Variants in CARD19 observed in about 807,000 individuals in gnomAD.
The protein encoded by CARD19 is caspase recruitment domain family member 19, also known as caspase recruitment domain-containing protein 19.
In CARD19, 25 loss-of-function variants were observed where a neutral mutation model predicts 24.1. The ratio of observed to expected loss-of-function variants is 1.04; its 90% CI spans 0.76 to 1.45. The LOEUF is 1.45. Among genes scored for constraint, CARD19 ranks in the 40% most tolerant of loss-of-function variants. CARD19 has a pLI of 0.00. For synonymous variants in CARD19, 103 were observed against 104.9 expected (o/e 0.98, Z 0.11); for missense variants, 241 against 247.4 (o/e 0.97, Z 0.17).
intron 2 of CARD19, chr9:93,108,908 G>A (rs1411840021): frequency 6.6e-6 from 1 of 152,272 alleles, no homozygotes; most frequent in Non-Finnish European, 1.5e-5. Context: ...GGGGACATTG[G>A]ATGAGAGAGT....
intron 1 of CARD19, among the ~76,000 whole-genome samples, chr9:93,100,318 T>C (rs369429058): frequency 6.6e-6 from 1 of 152,238 alleles, no homozygotes; most frequent in Admixed American, 6.5e-5. Flanking sequence ...TTTTTGTTTT[T>C]GGTTTTTTCT....
In CARD19 at chr9:93,110,672, T is replaced by C; in HGVS notation, c.255T>C (p.Tyr85=). Residue 85 remains tyrosine, a synonymous_variant, in exon 3 of 6, where the codon TAT becomes TAC. Transcript: ENST00000375464. ...GCCAGGAGTTCTACCGAGCCCTGTA[T>C]ATCCATGCCCAGCCCCTGCACAGCC... is the stretch of plus-strand genomic sequence containing the variant. ...RDCQEFYRAL[Y]IHAQPLHSRL... is the part of the protein sequence containing the mutation. The C allele has an allele frequency of 6.2e-7, 1 of 1,613,460 alleles. No individual in the cohort carries two copies. Among genetic ancestry groups the C allele is most frequent in the Non-Finnish European group, 8.5e-7 (1 of 1,180,014 alleles).
chr9:93,100,521 A>G (rs1411319548), intron 1 of CARD19, among the ~76,000 whole-genome samples: 41 of 152,262 alleles, frequency 2.7e-4, no homozygotes, highest in Non-Finnish European at 1.5e-5. Context: ...TGGATAAACC[A>G]GAGTTTATTT....
intron 1 of CARD19, among the ~76,000 whole-genome samples, chr9:93,100,933 A>G (rs904357932): frequency 6.6e-6 from 1 of 152,230 alleles, no homozygotes; most frequent in African/African-American, 2.4e-5. Context: ...GTAATATTCC[A>G]TTGTACATAG....
Position 93,096,788 on chromosome 9 carries a change from A to G in CARD19, c.7+436A>G, listed in dbSNP as rs946902619. On this transcript the variant is annotated intron_variant, in intron 1 of 5. Transcript: ENST00000375464. This position sits in a 1 kb window ranked among gnomAD's most constrained non-coding sequence, Gnocchi z 5.4. ...TCCTGCTGTGATTCTGGCCACGGAAACAACGCTCCATCCTTACAACCACCC... is the reference window on the plus strand; with the variant it reads ...TCCTGCTGTGATTCTGGCCACGGAAGCAACGCTCCATCCTTACAACCACCC... Among the ~76,000 whole-genome samples the G allele has an allele frequency of 1.3e-5, 2 of 152,304 alleles. No homozygotes were observed. The highest frequency in any genetic ancestry group is 6.5e-5 in the Admixed American group (1 of 15,304).
intron 3 of CARD19, 167 bp downstream of exon 3, chr9:93,110,888 C>G (rs948153535): frequency 2.9e-5 from 45 of 1,533,282 alleles, no homozygotes; most frequent in Non-Finnish European, 3.5e-5. Context: ...CCTCTGGCCC[C>G]GAGGGGAGAG....
At chr9:93,111,726 T>C (rs1444914688) in intron 3 of CARD19, 153 bp from the exon 4 acceptor site, 1 of 1,466,946 alleles carries the variant, frequency 6.8e-7, no homozygotes, top group African/African-American at 1.4e-5. Flanking sequence ...AGACTGTGCA[T>C]AGTTCCCTGA....
intron 3 of CARD19, 90 bp from the exon 4 acceptor site, chr9:93,111,787 AGG>A: frequency 1.3e-6 from 2 of 1,548,594 alleles, no homozygotes; most frequent in Non-Finnish European, 1.8e-6. Context: ...CGGCCCCAGG[AGG>A]CAGCAGCAAC....
chr9:93,106,430 A>AG (rs1827259158), intron 1 of CARD19, among the ~76,000 whole-genome samples: 1 of 149,972 alleles, frequency 6.7e-6, no homozygotes, highest in African/African-American at 2.4e-5. Flanking sequence ...AAAAAAAAAA[A>AG]TACAAAAACC....
At chr9:93,102,182 G>A (rs1827110117) in intron 1 of CARD19, among the ~76,000 whole-genome samples, 1 of 151,652 alleles carries the variant, frequency 6.6e-6, no homozygotes, top group Admixed American at 6.6e-5. Context: ...GGCTGGTCTC[G>A]AACCCCTGAC....
intron 3 of CARD19, 96 bp from the exon 4 acceptor site, chr9:93,111,783 C>T: frequency 6.5e-7 from 1 of 1,542,726 alleles, no homozygotes; most frequent in Non-Finnish European, 8.8e-7. Context: ...CTGGCGGCCC[C>T]AGGAGGCAGC....
rs570492533 is a variant in CARD19, at chr9:93,096,272, G to A, written c.-74G>A. 5.3e-5 allele frequency: 64 copies of A among 1,218,394 alleles called. No individual in the cohort carries two copies. The African/African-American group carries it at 9.8e-4, about 19-fold the overall frequency. The allele number at this position is 1,218,394 out of a possible 1,614,324, so 75.5% of individuals were successfully genotyped here. On this transcript the variant is annotated 5_prime_UTR_variant, in exon 1 of 6. Transcript: ENST00000375464. The surrounding 1 kb of genome is among the most constrained non-coding windows in gnomAD (Gnocchi z 5.4). ...CGGCGTTCGCTGGAGCTGGTGGACC[G>A]GGCGGCTGACCGAGGGGCGGACGCG...
intron 1 of CARD19, among the ~76,000 whole-genome samples, chr9:93,103,452 G>A (rs946996415): frequency 2.0e-5 from 3 of 152,060 alleles, no homozygotes; most frequent in Admixed American, 1.3e-4. Flanking sequence ...TATGTAAATC[G>A]TTGTTGTACT....
intron 3 of CARD19, chr9:93,110,947 T>C (rs1263689175): frequency 6.5e-7 from 1 of 1,526,802 alleles, no homozygotes. Flanking sequence ...TCCCACTTTC[T>C]CCCCCTTCCT....
chr9:93,099,652 G>A (rs376482797), intron 1 of CARD19, among the ~76,000 whole-genome samples: 21 of 152,208 alleles, frequency 1.4e-4, no homozygotes, highest in African/African-American at 9.6e-5. Context: ...GGCTGCAGGC[G>A]CTGGACCCAG....
chr9:93,097,254 C>T (rs989342022), intron 1 of CARD19, among the ~76,000 whole-genome samples: 2 of 152,070 alleles, frequency 1.3e-5, no homozygotes, highest in South Asian at 2.1e-4. Flanking sequence ...AGTCCTCTCT[C>T]GGTGCTCGCT....
At position 93,096,547 on chromosome 9, in the gene CARD19, G is replaced by T. The variant is rs576201902; in HGVS notation, c.7+195G>T. Among the ~76,000 whole-genome samples, 2 of 152,296 alleles carry T rather than the reference G, an allele frequency of 1.3e-5. No homozygotes were observed. The highest frequency in any genetic ancestry group is 4.8e-5 in the African/African-American group (2 of 41,574). On this transcript the variant is annotated intron_variant, in intron 1 of 5. Coordinates refer to ENST00000375464, the MANE Select transcript of CARD19 (RefSeq NM_032310.5). This position sits in a 1 kb window ranked among gnomAD's most constrained non-coding sequence, Gnocchi z 5.4. ...GGTGGGTGTCCCGGGGCTTCTACCC[G>T]GCGGGGCCGTGCCAGCCGAGGCGGT...
chr9:93,110,414 G>A, intron 2 of CARD19, 154 bp from the exon 3 acceptor site: 1 of 1,229,620 alleles, frequency 8.1e-7, no homozygotes, highest in East Asian at 2.5e-5. Context: ...ATGTGGTGTG[G>A]GTAAGGGGCA....
In CARD19 at chr9:93,107,691, C is replaced by T. The variant is rs781156097; in HGVS notation, c.25C>T (p.Arg9Cys). 1.4e-5 allele frequency: 23 copies of T among 1,614,084 alleles called. No homozygotes were observed. The highest frequency in any genetic ancestry group is 1.8e-5 in the Non-Finnish European group (21 of 1,180,046). MTDQTYCD[R>C]LVQDTPFLTG... ...TGTTTTAGATCAGACCTATTGTGACCGCCTGGTGCAGGACACGCCTTTCCT... is the reference window on the plus strand; with the variant it reads ...TGTTTTAGATCAGACCTATTGTGACTGCCTGGTGCAGGACACGCCTTTCCT... Residue 9 changes from arginine to cysteine, a missense_variant, in exon 2 of 6, where the codon CGC (arginine) becomes TGC (cysteine). Transcript: ENST00000375464.
Sources: allele counts gnomAD v4.1 joint callset (sites outside exome capture counted in the v4.1 genomes callset), GRCh38; gene constraint gnomAD v4.1.1; non-coding constraint Gnocchi (gnomAD v3.1); transcripts MANE v1.5; gene names NCBI Gene and HGNC (gene_info 2026-07-23, HGNC 2026-07-21).